NRCAM: variants seen among roughly 807,000 people sequenced by gnomAD.
NRCAM encodes the protein neuronal cell adhesion molecule, also known as NgCAM-related cell adhesion molecule.
Under a neutral mutation model 156.5 loss-of-function variants are expected in NRCAM, and 83 were observed. The observed-to-expected ratio is 0.53, with a 90% confidence interval of 0.44 to 0.64. The LOEUF is 0.64. Among genes scored for constraint, NRCAM ranks in the 30% least tolerant of loss-of-function variants. NRCAM has a pLI of 0.00. For missense variants in NRCAM, 1,417 were observed against 1,597.3 expected (o/e 0.89, Z 1.92); for synonymous variants, 538 against 563.9 (o/e 0.95, Z 0.65).
intron 3 of NRCAM, among the ~76,000 whole-genome samples, chr7:108,298,104 T>C (rs536818106): frequency 6.6e-6 from 1 of 152,288 alleles, no homozygotes; most frequent in South Asian, 2.1e-4. Context: ...AAACACTTTA[T>C]AATCTGGAGA....
intron 12 of NRCAM, among the ~76,000 whole-genome samples, 198 bp downstream of exon 12, chr7:108,209,223 T>C (rs1269620): frequency 0.98 from 149,577 of 152,266 alleles, 73,465 homozygotes; most frequent in Middle Eastern, 1. Flanking sequence ...TGGGATTCTT[T>C]TGTGAGGAAG....
chr7:108,433,219 C>T (rs1827911596), intron 1 of NRCAM, among the ~76,000 whole-genome samples: 2 of 152,186 alleles, frequency 1.3e-5, no homozygotes, highest in African/African-American at 4.8e-5. Context: ...ACTCCCAATA[C>T]CTTGAGATTG....
At chr7:108,342,242 C>T (rs1485025100) in intron 2 of NRCAM, among the ~76,000 whole-genome samples, 1 of 152,228 alleles carries the variant, frequency 6.6e-6, no homozygotes, top group Non-Finnish European at 1.5e-5. Flanking sequence ...CTTAAATTTC[C>T]TTGCCACCTG....
At chr7:108,351,504 A>C (rs1343677345) in intron 2 of NRCAM, among the ~76,000 whole-genome samples, 1 of 152,212 alleles carries the variant, frequency 6.6e-6, no homozygotes, top group Non-Finnish European at 1.5e-5. Context: ...AGATGCAAGA[A>C]GCAACAGCAC....
At chr7:108,195,603 G>A (rs2074566861) in intron 15 of NRCAM, among the ~76,000 whole-genome samples, 158 bp downstream of exon 15, 1 of 149,216 alleles carries the variant, frequency 6.7e-6, no homozygotes, top group Non-Finnish European at 1.5e-5. Context: ...GTAATGAAGT[G>A]AGACTCTGTC....
intron 1 of NRCAM, among the ~76,000 whole-genome samples, chr7:108,407,374 G>T (rs576157946): frequency 2.0e-4 from 31 of 152,114 alleles, no homozygotes; most frequent in African/African-American, 7.2e-4. Flanking sequence ...TTTTTTTAAA[G>T]GTGCGCTATT....
chr7:108,299,125 AG>A (rs2098530333), intron 3 of NRCAM, among the ~76,000 whole-genome samples: 6 of 108,328 alleles, frequency 5.5e-5, no homozygotes, highest in Non-Finnish European at 9.6e-5. Flanking sequence ...AAAGAAAGAA[AG>A]AAAGAAAGAA....
chr7:108,166,341 G>C (rs1281534749), intron 30 of NRCAM, among the ~76,000 whole-genome samples: 1 of 150,466 alleles, frequency 6.6e-6, no homozygotes, highest in Non-Finnish European at 1.5e-5. Context: ...TCTGCCTCCC[G>C]GGTTCAAGTG....
chr7:108,195,923 T>C (rs1563378898), intron 14 of NRCAM, 51 bp from the exon 15 acceptor site: 3 of 1,140,946 alleles, frequency 2.6e-6, no homozygotes, highest in Non-Finnish European at 3.9e-6. Context: ...ATTTTAGGAC[T>C]ATCGTTTATT....
intron 1 of NRCAM, among the ~76,000 whole-genome samples, chr7:108,442,894 C>T (rs770447827): frequency 4.6e-5 from 7 of 152,130 alleles, no homozygotes; most frequent in Admixed American, 3.3e-4. Context: ...AAAGAAGCTG[C>T]GAGAATATGC....
At chr7:108,162,914 G>A (rs535398920) in intron 30 of NRCAM, among the ~76,000 whole-genome samples, 1 of 152,144 alleles carries the variant, frequency 6.6e-6, no homozygotes, top group Non-Finnish European at 1.5e-5. Context: ...ATTCCAGAAT[G>A]ATTAAAATAG....
At chr7:108,170,774 G>A (rs375939523) in intron 28 of NRCAM, among the ~76,000 whole-genome samples, 3 of 152,072 alleles carry the variant, frequency 2.0e-5, no homozygotes, top group South Asian at 2.1e-4. Flanking sequence ...TCAGATTTTC[G>A]GGGTTCACAT....
chr7:108,255,175 C>CTG (rs1554407651), intron 3 of NRCAM, among the ~76,000 whole-genome samples: 3 of 75,430 alleles, frequency 4.0e-5, no homozygotes, highest in Non-Finnish European at 8.1e-5. Flanking sequence ...CCCCCTCCCC[C>CTG]CCCTGCCCCT....
intron 2 of NRCAM, among the ~76,000 whole-genome samples, chr7:108,346,074 A>G (rs575440560): frequency 6.6e-5 from 10 of 152,198 alleles, no homozygotes; most frequent in Non-Finnish European, 1.5e-4. Context: ...TACGGAGACT[A>G]GCTGTGGTAG....
chr7:108,217,943 G>A (rs1239019172), intron 11 of NRCAM, among the ~76,000 whole-genome samples: 2 of 152,046 alleles, frequency 1.3e-5, no homozygotes, highest in Non-Finnish European at 2.9e-5. Flanking sequence ...TGTCTCACTG[G>A]CGTTCCAGGC....
intron 2 of NRCAM, among the ~76,000 whole-genome samples, chr7:108,349,784 C>T (rs1296170384): frequency 6.6e-6 from 1 of 152,098 alleles, no homozygotes; most frequent in Non-Finnish European, 1.5e-5. Context: ...TAGTCTCTGA[C>T]CCATCTCCTT....
chr7:108,328,884 G>A (rs2099098436), intron 2 of NRCAM, among the ~76,000 whole-genome samples: 1 of 152,034 alleles, frequency 6.6e-6, no homozygotes, highest in African/African-American at 2.4e-5. Flanking sequence ...GGCCATCTGG[G>A]TTTTTATTCC....
At chr7:108,340,250 C>T (rs1288426029) in intron 2 of NRCAM, among the ~76,000 whole-genome samples, 2 of 152,164 alleles carry the variant, frequency 1.3e-5, no homozygotes, top group Admixed American at 1.3e-4. Flanking sequence ...CAATATTCCC[C>T]GTTTATGCCC....
At chr7:108,315,052 AAT>A (rs1389464950) in intron 2 of NRCAM, among the ~76,000 whole-genome samples, 2 of 152,064 alleles carry the variant, frequency 1.3e-5, no homozygotes, top group African/African-American at 4.8e-5. Flanking sequence ...CTTCAAAATA[AAT>A]ACAGATGAGA....
Sources: allele counts gnomAD v4.1 joint callset (sites outside exome capture counted in the v4.1 genomes callset), GRCh38; gene constraint gnomAD v4.1.1; transcripts MANE v1.5; gene names NCBI Gene and HGNC (gene_info 2026-07-23, HGNC 2026-07-21).